EIF5B: variants seen among roughly 807,000 people sequenced by gnomAD.
EIF5B encodes the protein eIF-5B.
A neutral mutation model predicts 147.5 loss-of-function variants in EIF5B; 47 were observed. The ratio of observed to expected loss-of-function variants is 0.32; its 90% CI spans 0.25 to 0.41. EIF5B has a LOEUF of 0.41. EIF5B is among the 10% of genes least tolerant of loss of function. The pLI, the probability that EIF5B is intolerant of heterozygous loss-of-function variation, is 1.00. For missense variants in EIF5B, 1,064 were observed against 1,413.2 expected, an observed-to-expected ratio of 0.75 and a Z score of 3.96; for synonymous variants, 455 against 456.2, an observed-to-expected ratio of 1.00 and a Z score of 0.03.
At chr2:99,368,441 C>T in intron 6 of EIF5B, 52 bp from the exon 7 acceptor site, 2 of 1,289,296 alleles carry the variant, frequency 1.6e-6, no homozygotes, top group Non-Finnish European at 2.3e-6. Flanking sequence ...TAGTACTTCT[C>T]AGGTGACATG....
intron 12 of EIF5B, among the ~76,000 whole-genome samples, chr2:99,381,919 G>A (rs894802387): frequency 1.3e-5 from 2 of 152,110 alleles, no homozygotes; most frequent in Non-Finnish European, 2.9e-5. Context: ...TACAGTCATA[G>A]TTGTAAGACC....
intron 14 of EIF5B, among the ~76,000 whole-genome samples, chr2:99,386,365 A>G (rs1674805675): frequency 6.6e-6 from 1 of 152,078 alleles, no homozygotes; most frequent in African/African-American, 2.4e-5. Flanking sequence ...AGAGTTCTTT[A>G]TACTTCTGGT....
Position 99,399,579 on chromosome 2 carries a change from CT to C in EIF5B, c.*167del. The C allele has an allele frequency of 1.6e-6, 1 of 610,754 alleles. No homozygotes were observed. The highest frequency in any genetic ancestry group is 2.9e-6 in the Non-Finnish European group (1 of 349,750). The allele number at this position is 610,754 out of a possible 1,614,324, so 37.8% of individuals were successfully genotyped here. ...ATGTTTTCCATGAGAAACCAAGAAA[CT>C]TACACTGGTTTGACAGTGGTCAGTT... On this transcript the variant is annotated 3_prime_UTR_variant, in exon 24 of 24. Transcript: ENST00000289371.
Position 99,364,267 on chromosome 2 carries a change from A to G in EIF5B, c.1138-4A>G, listed in dbSNP as rs752143609. On this transcript the variant is annotated splice_polypyrimidine_tract_variant and splice_region_variant and intron_variant, in intron 5 of 23. Coordinates refer to ENST00000289371, the MANE Select transcript of EIF5B (RefSeq NM_015904.4). Reference sequence around the variant, plus strand: ...GGTTTTGTCTGACATGTACTCTTTTATAGGAACGATTGGAACAAGAAAAAA... The same window carrying G: ...GGTTTTGTCTGACATGTACTCTTTTGTAGGAACGATTGGAACAAGAAAAAA... The G allele has an allele frequency of 1.9e-6, 3 of 1,587,418 alleles. No individual in the cohort carries two copies. The highest frequency in any genetic ancestry group is 2.6e-6 in the Non-Finnish European group (3 of 1,172,102).
rs548264287 is a variant in EIF5B at position 99,355,064 on chromosome 2, A to G, written c.36-5172A>G. On this transcript the variant is annotated intron_variant, in intron 1 of 23. Coordinates refer to ENST00000289371, the MANE Select transcript of EIF5B (RefSeq NM_015904.4). ...GTGATCCACCTGCCTCGGCCTCCCA[A>G]AGTGTTGGGATTACAGGCGTGAGTC... Among the ~76,000 whole-genome samples, 352 of 152,062 alleles carry G rather than the reference A, an allele frequency of 2.3e-3. 1 individual carries two copies. The highest frequency in any genetic ancestry group is 0.01 in the Middle Eastern group (3 of 294).
intron 18 of EIF5B, among the ~76,000 whole-genome samples, 191 bp from the exon 19 acceptor site, chr2:99,394,076 A>G (rs147600450): frequency 6.6e-6 from 1 of 152,368 alleles, no homozygotes; most frequent in African/African-American, 2.4e-5. Context: ...GTGAAGCGAA[A>G]TACAGTTAGG....
At position 99,353,215 on chromosome 2, in the gene EIF5B, A is replaced by C. The variant is rs188851511; in HGVS notation, c.36-7021A>C. ...TTTTTAGTAAAGACGGGGTTTCACC[A>C]TATTGGCCAGGCTGGTCTCAAACTC... On this transcript the variant is annotated intron_variant, in intron 1 of 23. Transcript: ENST00000289371. 2.5e-3 allele frequency among the ~76,000 whole-genome samples: 373 copies of C among 151,992 alleles called. 4 individuals are homozygous for C. Among genetic ancestry groups the C allele is most frequent in the African/African-American group, 8.6e-3 (357 of 41,464 alleles).
Position 99,392,957 on chromosome 2 carries a change from ATC to A in EIF5B, c.2749-6_2749-5del. 1 of 1,448,294 alleles carries A rather than the reference ATC, an allele frequency of 6.9e-7. No homozygotes were observed. The highest frequency in any genetic ancestry group is 1.6e-5 in the South Asian group (1 of 64,274). The allele number at this position is 1,448,294 out of a possible 1,614,324, so 89.7% of individuals were successfully genotyped here. A position where few individuals can be genotyped will look rare whatever the true frequency, so the allele number is the denominator to read the frequency against. Reference sequence around the variant, plus strand: ...AGTACATTTGGTAACAAATGTTTTTATCTCTGTAGAACCAGTATGAAAAGCAT... The same window carrying A: ...AGTACATTTGGTAACAAATGTTTTTATCTGTAGAACCAGTATGAAAAGCAT... On this transcript the variant is annotated splice_region_variant and splice_polypyrimidine_tract_variant and intron_variant, in intron 17 of 23. Transcript: ENST00000289371.
intron 14 of EIF5B, among the ~76,000 whole-genome samples, chr2:99,385,251 G>A (rs1038250862): frequency 2.0e-5 from 3 of 152,244 alleles, no homozygotes; most frequent in South Asian, 4.1e-4. Flanking sequence ...TCTCCATGTT[G>A]GTCAGGCTGT....
Position 99,399,426 on chromosome 2 carries a change from G to A in EIF5B, c.*12G>A. On this transcript the variant is annotated 3_prime_UTR_variant, in exon 24 of 24. Coordinates refer to ENST00000289371, the MANE Select transcript of EIF5B (RefSeq NM_015904.4). ...TTGAAATCATCTAATTTTTTCACAT[G>A]GAGCAGGAACTGGAGTAAATGCAAT... The A allele has an allele frequency of 6.2e-7, 1 of 1,611,544 alleles. No homozygotes were observed. The highest frequency in any genetic ancestry group is 8.5e-7 in the Non-Finnish European group (1 of 1,177,872).
At chr2:99,363,365 C>T (rs1574926710) in intron 4 of EIF5B, among the ~76,000 whole-genome samples, 1 of 152,270 alleles carries the variant, frequency 6.6e-6, no homozygotes, top group East Asian at 1.9e-4. Flanking sequence ...TACAGGATTG[C>T]CCTTTTGCTG....
intron 22 of EIF5B, chr2:99,398,341 T>C (rs1156354753): frequency 6.3e-6 from 1 of 157,612 alleles, no homozygotes; most frequent in Non-Finnish European, 1.4e-5. Flanking sequence ...CAGGCCATCA[T>C]TCTTAAAATT....
intron 18 of EIF5B, 27 bp from the exon 19 acceptor site, chr2:99,394,239 AC>A: frequency 6.3e-7 from 1 of 1,594,554 alleles, no homozygotes; most frequent in Admixed American, 1.8e-5. Context: ...TGTGTTGACA[AC>A]CTTATCAAAT....
At position 99,360,526 on chromosome 2, in the gene EIF5B, G is replaced by A. The variant is rs780141118; in HGVS notation, c.223G>A (p.Asp75Asn). The change falls in exon 3 of 24, where the codon GAC (aspartate) becomes AAC (asparagine). Residue 75 changes from aspartate to asparagine, a missense_variant. By Grantham distance (23) the Asp-to-Asn change is conservative. Around this residue, in one of 4 missense-constraint regions of EIF5B, gnomAD observed 458 missense variants for 451.3 expected, o/e 1.01. Transcript: ENST00000289371. ...TTTGGAAGCTCAAGGCATCAAAGCT[G>A]ACAGAGAAACTGTTGCAGTGAAGGT... Reference protein sequence around the residue: ...LSLEAQGIKADRETVAVKPTE... With the variant: ...LSLEAQGIKANRETVAVKPTE... 1.2e-6 allele frequency: 2 copies of A among 1,613,566 alleles called. No homozygotes were observed. The highest frequency in any genetic ancestry group is 1.7e-6 in the Non-Finnish European group (2 of 1,179,818).
At chr2:99,346,043 A>T in intron 1 of EIF5B, among the ~76,000 whole-genome samples, 1 of 152,182 alleles carries the variant, frequency 6.6e-6, no homozygotes, top group African/African-American at 2.4e-5. Flanking sequence ...ATATGCACAG[A>T]TAATACAGAG....
intron 10 of EIF5B, among the ~76,000 whole-genome samples, chr2:99,377,247 A>AT (rs1186526024): frequency 6.6e-6 from 1 of 151,908 alleles, no homozygotes; most frequent in Non-Finnish European, 1.5e-5. Context: ...TGTATTATTA[A>AT]TTTTTTAATT....
At chr2:99,354,796 CTTTTTTTTT>C (rs57735386) in intron 1 of EIF5B, among the ~76,000 whole-genome samples, 46 of 80,024 alleles carry the variant, frequency 5.7e-4, no homozygotes, top group African/African-American at 2.5e-3. Context: ...ATTGGTTGTA[CTTTTTTTTT>C]TTTTTTTTTT....
chr2:99,359,455 G>A (rs889367855), intron 1 of EIF5B, among the ~76,000 whole-genome samples: 1 of 152,140 alleles, frequency 6.6e-6, no homozygotes, highest in Non-Finnish European at 1.5e-5. Context: ...CATTACATGA[G>A]TTGTTTTCTT....
Position 99,394,827 on chromosome 2 carries a change from T to C in EIF5B, c.3198T>C (p.Phe1066=). 1 of 1,611,020 alleles carries C rather than the reference T, an allele frequency of 6.2e-7. No individual in the cohort carries two copies. ...GTGCAGAAATTATTTATCATTTATTTGATGCCTTTACAAAATATAGACAAG... is the reference window on the plus strand; with the variant it reads ...GTGCAGAAATTATTTATCATTTATTCGATGCCTTTACAAAATATAGACAAG... ...IFSAEIIYHL[F]DAFTKYRQDY... is the part of the protein sequence containing the mutation. Residue 1066 remains phenylalanine (F), a synonymous_variant, in exon 21 of 24, where the codon TTT becomes TTC. Coordinates refer to ENST00000289371, the MANE Select transcript of EIF5B (RefSeq NM_015904.4).
Sources: allele counts gnomAD v4.1 joint callset (sites outside exome capture counted in the v4.1 genomes callset), GRCh38; gene constraint gnomAD v4.1.1; regional missense constraint gnomAD v4.1.1; transcripts MANE v1.5; gene names NCBI Gene and HGNC (gene_info 2026-07-23, HGNC 2026-07-21).